Variants in CFDP1 observed in about 807,000 individuals in gnomAD.
CFDP1 encodes the protein heterochromatin-stabilizing protein CFDP1.
A neutral mutation model predicts 40.1 loss-of-function variants in CFDP1; 31 were observed. That is an observed-to-expected ratio of 0.77 (90% CI 0.58 to 1.04). The LOEUF (loss-of-function observed/expected upper bound fraction) is 1.04, where lower values mean the gene tolerates loss of function less well. CFDP1 is among the 50% of genes least tolerant of loss of function. CFDP1 has a pLI of 0.00. For synonymous variants in CFDP1, 167 were observed against 120.0 expected (o/e 1.39, Z -2.56); for missense variants, 423 against 343.4 (o/e 1.23, Z -1.83).
At chr16:75,308,073 G>A (rs543128130) in intron 5 of CFDP1, among the ~76,000 whole-genome samples, 63 of 152,302 alleles carry the variant, frequency 4.1e-4, no homozygotes, top group Admixed American at 1.2e-3. Flanking sequence ...AAAAGCATAC[G>A]CATGAGGACT....
chr16:75,355,341 G>T (rs567114085), intron 5 of CFDP1, among the ~76,000 whole-genome samples: 34 of 152,304 alleles, frequency 2.2e-4, no homozygotes, highest in African/African-American at 7.9e-4. Flanking sequence ...ATTTTACCCA[G>T]AGTAAAACTT....
chr16:75,341,182 C>A (rs958752421), intron 5 of CFDP1, among the ~76,000 whole-genome samples: 2 of 152,142 alleles, frequency 1.3e-5, no homozygotes, highest in South Asian at 4.2e-4. Flanking sequence ...TGACAAGGCA[C>A]CAGTTTTTAA....
At chr16:75,431,370 C>T (rs1321746949) in intron 1 of CFDP1, among the ~76,000 whole-genome samples, 3 of 130,754 alleles carry the variant, frequency 2.3e-5, no homozygotes, top group East Asian at 2.6e-4. Flanking sequence ...AAGAGAATGG[C>T]GTGAACCCGG....
At chr16:75,415,738 A>G (rs182430681) in intron 1 of CFDP1, among the ~76,000 whole-genome samples, 1 of 152,352 alleles carries the variant, frequency 6.6e-6, no homozygotes, top group Non-Finnish European at 1.5e-5. Flanking sequence ...ATAGTGTGTC[A>G]TTGTATGACT....
chr16:75,395,839 T>C (rs62059844), intron 4 of CFDP1, among the ~76,000 whole-genome samples: 77,753 of 150,600 alleles, frequency 0.52, 21,170 homozygotes, highest in Admixed American at 0.64. Context: ...TTTTGTCTAA[T>C]TTCAAATCTG....
chr16:75,299,074 A>G (rs1392106703), intron 6 of CFDP1, among the ~76,000 whole-genome samples: 1 of 152,036 alleles, frequency 6.6e-6, no homozygotes, highest in East Asian at 1.9e-4. Context: ...GCTGATCACC[A>G]CCAAGAAATC....
rs776304399 is a variant in CFDP1 at position 75,305,007 on chromosome 16, A to C, written c.809+17T>G. On this transcript the variant is annotated intron_variant, in intron 6 of 6. Coordinates refer to ENST00000283882, the MANE Select transcript of CFDP1 (RefSeq NM_006324.3). ...GTTCTGAGGATTTTCCAAGGCATAA[A>C]ACCTACTCCTTCTTACCCCTCTTTC... 3.1e-6 allele frequency: 5 copies of C among 1,612,020 alleles called. No individual in the cohort carries two copies. Among genetic ancestry groups the C allele is most frequent in the Admixed American group, 3.3e-5 (2 of 59,796 alleles).
intron 5 of CFDP1, among the ~76,000 whole-genome samples, chr16:75,393,313 C>T (rs921775860): frequency 6.6e-6 from 1 of 152,104 alleles, no homozygotes; most frequent in African/African-American, 2.4e-5. Flanking sequence ...CCTGGAATCA[C>T]CTCTCACATA....
Position 75,293,997 on chromosome 16 carries a change from C to G in CFDP1, c.855G>C (p.Gln285His). ...KAFLDRVDHR[Q>H]FEIERDLRLS... ...GCCTGAGATCTCGCTCAATTTCAAA[C>G]TGCCTGTGATCCACTCGGTCAAGGA... is the stretch of plus-strand genomic sequence containing the variant. The change falls in exon 7 of 7, where the codon CAG becomes CAC. Residue 285 changes from glutamine to histidine, a missense_variant. Physicochemically the swap from Gln to His is conservative, Grantham distance 24. Coordinates refer to ENST00000283882, the MANE Select transcript of CFDP1 (RefSeq NM_006324.3). The G allele has an allele frequency of 6.2e-7, 1 of 1,614,164 alleles. No homozygotes were observed. The highest frequency in any genetic ancestry group is 8.5e-7 in the Non-Finnish European group (1 of 1,180,022).
At chr16:75,312,615 G>A (rs527385405) in intron 5 of CFDP1, among the ~76,000 whole-genome samples, 2 of 152,256 alleles carry the variant, frequency 1.3e-5, no homozygotes, top group South Asian at 2.1e-4. Context: ...ACCTATTTTA[G>A]TGATAGAAGT....
intron 4 of CFDP1, among the ~76,000 whole-genome samples, chr16:75,395,460 A>G (rs2078988553): frequency 6.6e-6 from 1 of 152,240 alleles, no homozygotes; most frequent in East Asian, 1.9e-4. Context: ...AGAGATCGAA[A>G]CTATCCTGGC....
intron 1 of CFDP1, among the ~76,000 whole-genome samples, chr16:75,430,176 TGTTTG>T (rs1258970679): frequency 3.3e-5 from 5 of 150,966 alleles, no homozygotes; most frequent in East Asian, 3.9e-4. Flanking sequence ...TTTGTTTGTT[TGTTTG>T]TTTTTTCGAG....
chr16:75,389,340 T>C (rs2078928460), intron 5 of CFDP1, among the ~76,000 whole-genome samples: 1 of 152,248 alleles, frequency 6.6e-6, no homozygotes, highest in Non-Finnish European at 1.5e-5. Context: ...CTACCAAATG[T>C]AGGAGAGTAA....
chr16:75,424,667 T>C (rs1209112085), intron 1 of CFDP1, among the ~76,000 whole-genome samples: 3 of 148,508 alleles, frequency 2.0e-5, no homozygotes, highest in African/African-American at 5.0e-5. Flanking sequence ...GGCAGAAGAA[T>C]GGCGTGAACC....
At chr16:75,335,848 G>A (rs965931591) in intron 5 of CFDP1, among the ~76,000 whole-genome samples, 31 of 152,130 alleles carry the variant, frequency 2.0e-4, no homozygotes, top group Admixed American at 9.2e-4. Context: ...GAGCCACCGC[G>A]CCTGACCAAA....
At chr16:75,418,112 GT>G (rs1307133643) in intron 1 of CFDP1, among the ~76,000 whole-genome samples, 2 of 151,830 alleles carry the variant, frequency 1.3e-5, no homozygotes, top group Non-Finnish European at 2.9e-5. Context: ...AATTAGCTGG[GT>G]GTGGTGATGC....
chr16:75,361,436 G>C (rs1297921219), intron 5 of CFDP1, among the ~76,000 whole-genome samples: 2 of 152,114 alleles, frequency 1.3e-5, no homozygotes, highest in Non-Finnish European at 2.9e-5. Context: ...AGACAACATA[G>C]TGAATCCCCA....
At chr16:75,357,992 T>A (rs958570918) in intron 5 of CFDP1, among the ~76,000 whole-genome samples, 4 of 152,168 alleles carry the variant, frequency 2.6e-5, no homozygotes, top group Admixed American at 1.3e-4. Flanking sequence ...CACTGTAGGG[T>A]TACTAACTAG....
intron 5 of CFDP1, among the ~76,000 whole-genome samples, chr16:75,368,998 A>G (rs1454631855): frequency 6.6e-6 from 1 of 152,178 alleles, no homozygotes; most frequent in Non-Finnish European, 1.5e-5. Flanking sequence ...AAATATTCCA[A>G]TACTTGCACA....
Sources: gnomAD v4.1 joint callset for allele counts (sites outside exome capture counted in the v4.1 genomes callset) on GRCh38, gnomAD v4.1.1 for gene constraint, MANE v1.5 for transcripts, NCBI Gene and HGNC (gene_info 2026-07-23, HGNC 2026-07-21) for gene names.